The following CPAMD8 variants were observed in gnomAD, a reference collection of about 807,000 sequenced individuals.
CPAMD8 encodes C3 and PZP like alpha-2-macroglobulin domain containing 8.
Under a neutral mutation model 224.7 loss-of-function variants are expected in CPAMD8, and 146 were observed. The ratio of observed to expected loss-of-function variants is 0.65; its 90% CI spans 0.57 to 0.75. CPAMD8 has a LOEUF of 0.75. CPAMD8 is among the 30% of genes least tolerant of loss of function. The pLI is 0.00. For missense variants in CPAMD8, 2,301 were observed against 2,537.5 expected (o/e 0.91, Z 2.00); for synonymous variants, 966 against 1,044.6 (o/e 0.92, Z 1.45).
chr19:16,904,356 G>A lies in CPAMD8; in HGVS notation c.4121C>T (p.Ser1374Leu), dbSNP rs199916828. ...GTAGGCTGTCATTTCCACCTCGGCC[G>A]AGACCACTGCAATGGAAGAGGCCCA... is the stretch of plus-strand genomic sequence containing the variant. Reference protein sequence around the residue: ...FSDRVSQSVVSAEVEMTAYAL... With the variant: ...FSDRVSQSVVLAEVEMTAYAL... Residue 1374 changes from serine to leucine, a missense_variant, in exon 32 of 42, where the codon TCG becomes TTG. Coordinates refer to ENST00000443236, the MANE Select transcript of CPAMD8 (RefSeq NM_015692.5). 1.1e-5 allele frequency: 17 copies of A among 1,614,012 alleles called. No individual in the cohort carries two copies. In the East Asian group the frequency reaches 2.5e-4, roughly 23 times the overall value.
intron 19 of CPAMD8, among the ~76,000 whole-genome samples, chr19:16,957,335 A>G (rs183988973): frequency 6.6e-6 from 1 of 152,300 alleles, no homozygotes; most frequent in East Asian, 1.9e-4. Context: ...GCCACTTTTT[A>G]CTAGTGTCAT....
intron 18 of CPAMD8, among the ~76,000 whole-genome samples, chr19:16,966,128 T>TGGTACC (rs2054820372): frequency 6.6e-6 from 1 of 152,188 alleles, no homozygotes; most frequent in African/African-American, 2.4e-5. Context: ...AGCATGGTAC[T>TGGTACC]GGTACCAAAA....
At chr19:16,958,327 T>A (rs942950672) in intron 18 of CPAMD8, among the ~76,000 whole-genome samples, 5 of 152,196 alleles carry the variant, frequency 3.3e-5, no homozygotes, top group African/African-American at 1.2e-4. Flanking sequence ...TGTTTCCATG[T>A]GTTCTCATCA....
At chr19:17,026,480 ACT>A in intron 1 of CPAMD8, 69 bp downstream of exon 1, 1 of 1,397,858 alleles carries the variant, frequency 7.2e-7, no homozygotes, top group Non-Finnish European at 9.3e-7. Context: ...TCGCTGCAAC[ACT>A]CTGAGCCAGT....
chr19:16,928,108 T>C lies in CPAMD8; in HGVS notation c.3271A>G (p.Arg1091Gly). 2 of 1,614,004 alleles carry C rather than the reference T, an allele frequency of 1.2e-6. No homozygotes were observed. The highest frequency in any genetic ancestry group is 1.7e-6 in the Non-Finnish European group (2 of 1,179,994). Reference protein sequence around the residue: ...WGSMGEFRIWRKMEVDESYSE... With the variant: ...WGSMGEFRIWGKMEVDESYSE... ...TAGCTCTCGTCCACCTCCATCTTCC[T>C]CCAGATTCGGAATTCACCCATGGAG... Residue 1091 changes from arginine to glycine, a missense_variant, in exon 25 of 42, where the codon AGG becomes GGG. Transcript: ENST00000443236.
At chr19:16,994,886 T>C (rs1175195048) in intron 11 of CPAMD8, among the ~76,000 whole-genome samples, 2 of 152,058 alleles carry the variant, frequency 1.3e-5, no homozygotes, top group East Asian at 3.9e-4. Context: ...CAAGTGGTCC[T>C]CTTGCCTTGG....
intron 13 of CPAMD8, among the ~76,000 whole-genome samples, chr19:16,983,826 A>G (rs546664167): frequency 1.1e-4 from 17 of 152,328 alleles, no homozygotes; most frequent in Admixed American, 7.8e-4. Context: ...AAGCCTATCA[A>G]AATCTCAATG....
chr19:16,967,893 G>GTGTGTATATATGTGCAC (rs1568540073), intron 18 of CPAMD8, among the ~76,000 whole-genome samples: 1 of 43,310 alleles, frequency 2.3e-5, no homozygotes, highest in African/African-American at 8.0e-5. Flanking sequence ...ACACACACAT[G>GTGTGTATATATGTGCAC]TGTGTGTATA....
intron 18 of CPAMD8, among the ~76,000 whole-genome samples, chr19:16,969,897 A>AAG (rs1568542448): frequency 6.8e-6 from 1 of 146,526 alleles, no homozygotes; most frequent in Non-Finnish European, 1.5e-5. Context: ...AAACAAAAAC[A>AAG]ACGAAAAACT....
At chr19:16,903,523 A>C in intron 34 of CPAMD8, 38 bp downstream of exon 34, 2 of 1,613,052 alleles carry the variant, frequency 1.2e-6, no homozygotes, top group Non-Finnish European at 1.7e-6. Flanking sequence ...GCACAGGAGG[A>C]CAAGCCCAAG....
intron 22 of CPAMD8, among the ~76,000 whole-genome samples, chr19:16,941,434 C>T (rs1272093002): frequency 6.6e-6 from 1 of 152,184 alleles, no homozygotes; most frequent in Non-Finnish European, 1.5e-5. Flanking sequence ...ACTCAAAAGG[C>T]CACATGTTGT....
Position 17,020,336 on chromosome 19 carries a change from G to T in CPAMD8, c.262C>A (p.Leu88Ile). The change falls in exon 3 of 42, where the codon CTC becomes ATC. Residue 88 changes from leucine to isoleucine, a missense_variant. Leu to Ile is a conservative substitution (Grantham distance 5). Transcript: ENST00000443236. ...TTTAAAAATCAACGGCTTACCTTGA[G>T]TTTGATTGTCCCTTTATCTAAAAAT... ...GAILDKGTIK[L>I]KVPTGLRGQA... is the part of the protein sequence containing the mutation. The T allele has an allele frequency of 6.3e-7, 1 of 1,588,010 alleles. No individual in the cohort carries two copies. Among genetic ancestry groups the T allele is most frequent in the Non-Finnish European group, 8.6e-7 (1 of 1,156,884 alleles).
chr19:16,911,733 G>C (rs989053645), intron 29 of CPAMD8, among the ~76,000 whole-genome samples: 2 of 152,028 alleles, frequency 1.3e-5, no homozygotes, highest in Non-Finnish European at 2.9e-5. Context: ...TTTTAGTAGA[G>C]ACGGGGTTTC....
At chr19:16,916,028 T>C (rs1273637886) in intron 27 of CPAMD8, among the ~76,000 whole-genome samples, 1 of 151,736 alleles carries the variant, frequency 6.6e-6, no homozygotes, top group African/African-American at 2.4e-5. Context: ...GCTTTCTTGC[T>C]TTTCAAGACA....
intron 36 of CPAMD8, among the ~76,000 whole-genome samples, chr19:16,900,203 C>T (rs1296826010): frequency 6.6e-6 from 1 of 152,118 alleles, no homozygotes; most frequent in African/African-American, 2.4e-5. Context: ...GTGAGGGTGA[C>T]AGCTGGTCTC....
intron 3 of CPAMD8, among the ~76,000 whole-genome samples, chr19:17,012,616 A>T (rs907790250): frequency 6.6e-6 from 1 of 151,998 alleles, no homozygotes; most frequent in Non-Finnish European, 1.5e-5. Context: ...CAGATTACAG[A>T]CGTGAGCCAC....
rs766277811 is a variant in CPAMD8, at chr19:16,928,182, A to C, written c.3197T>G (p.Leu1066Arg). Residue 1066 changes from leucine to arginine, a missense_variant, in exon 25 of 42, where the codon CTC (leucine) becomes CGC (arginine). Leu to Arg is a moderately radical substitution (Grantham distance 102, BLOSUM62 -2). This residue lies in a region of CPAMD8 where 1,709 missense variants were observed against 1,753.2 expected (regional missense o/e 0.97). Coordinates refer to ENST00000443236, the MANE Select transcript of CPAMD8 (RefSeq NM_015692.5). ...SNESVIVAWT[L>R]PRPPEVQFIG... ...GAACTGGACCTCTGGTGGCCTCGGG[A>C]GGGTCCAGGCCACAATGACAGACTC... 5.6e-6 allele frequency: 9 copies of C among 1,613,980 alleles called. 1 individual carries two copies. In the South Asian group the frequency reaches 9.9e-5, roughly 18 times the overall value.
At chr19:17,005,867 T>C (rs2056477764) in intron 7 of CPAMD8, among the ~76,000 whole-genome samples, 1 of 152,088 alleles carries the variant, frequency 6.6e-6, no homozygotes, top group African/African-American at 2.4e-5. Flanking sequence ...GAGCACGTGT[T>C]TTGTAAGGGG....
intron 21 of CPAMD8, 45 bp from the exon 22 acceptor site, chr19:16,945,724 A>G (rs2054050590): frequency 6.3e-7 from 1 of 1,599,420 alleles, no homozygotes; most frequent in South Asian, 1.1e-5. Flanking sequence ...TCTCCACCCA[A>G]GATGGGGGCT....
Sources: allele counts gnomAD v4.1 joint callset (sites outside exome capture counted in the v4.1 genomes callset), GRCh38; gene constraint gnomAD v4.1.1; regional missense constraint gnomAD v4.1.1; transcripts MANE v1.5; gene names NCBI Gene and HGNC (gene_info 2026-07-23, HGNC 2026-07-21).